The following RYR3 variants were observed in gnomAD, a reference collection of about 807,000 sequenced individuals.
The protein encoded by RYR3 is brain ryanodine receptor-calcium release channel.
In RYR3, 207 loss-of-function variants were observed where a neutral mutation model predicts 584.3. The ratio of observed to expected loss-of-function variants is 0.35; its 90% CI spans 0.32 to 0.40. RYR3 has a LOEUF of 0.40. Among genes scored for constraint, RYR3 ranks in the 10% least tolerant of loss-of-function variants. RYR3 has a pLI of 1.00. For missense variants in RYR3, 5,616 were observed against 6,089.2 expected, an observed-to-expected ratio of 0.92 and a Z score of 2.59; for synonymous variants, 2,416 against 2,248.5, an observed-to-expected ratio of 1.07 and a Z score of -2.11.
chr15:33,800,317 G>A (rs1454752521), intron 67 of RYR3, among the ~76,000 whole-genome samples: 1 of 152,180 alleles, frequency 6.6e-6, no homozygotes, highest in African/African-American at 2.4e-5. Flanking sequence ...CAGAATTTCA[G>A]AGGTTTGACA....
chr15:33,596,114 G>A (rs148380646), intron 16 of RYR3, among the ~76,000 whole-genome samples: 412 of 146,312 alleles, frequency 2.8e-3, no homozygotes, highest in African/African-American at 9.9e-3. Context: ...CTTTCTTTAC[G>A]TCTTTTTTAT....
chr15:33,750,365 T>TC, intron 57 of RYR3, 79 bp downstream of exon 57: 1 of 1,429,326 alleles, frequency 7.0e-7, no homozygotes, highest in South Asian at 1.3e-5. Context: ...ACAAAACCCA[T>TC]CCAAGTAAGG....
At chr15:33,647,050 A>G (rs1566865069) in intron 29 of RYR3, among the ~76,000 whole-genome samples, 1 of 152,094 alleles carries the variant, frequency 6.6e-6, no homozygotes. Flanking sequence ...TGCTGCCTGG[A>G]GCCGTCTTGT....
chr15:33,491,143 G>A (rs759270877), intron 2 of RYR3, among the ~76,000 whole-genome samples: 4 of 152,136 alleles, frequency 2.6e-5, no homozygotes, highest in South Asian at 2.1e-4. Context: ...CACCAGTTTC[G>A]TCATTTGACT....
rs2056580089 is a variant in RYR3 at position 33,550,232 on chromosome 15, CT to C, written c.890del (p.Leu297Ter). The C allele has an allele frequency of 6.2e-7, 1 of 1,613,660 alleles. No individual in the cohort carries two copies. The highest frequency in any genetic ancestry group is 1.7e-5 in the Admixed American group (1 of 59,992). ...ATCTCACCACAGGCCACTACCTGGC[CT>C]TGACAGAAGACCAAGGCCTTATACT... ...RHLTTGHYLA[L>X]TEDQGLILQD... On this transcript the variant is annotated frameshift_variant, in exon 10 of 104. Transcript: ENST00000634891. LOFTEE classifies it high-confidence loss of function.
intron 32 of RYR3, among the ~76,000 whole-genome samples, chr15:33,659,449 A>G (rs2063015830): frequency 6.6e-6 from 1 of 152,242 alleles, no homozygotes; most frequent in Non-Finnish European, 1.5e-5. Flanking sequence ...TGTCCTGTGC[A>G]CTGGAGGAAG....
At chr15:33,612,355 G>GT (rs1002839556) in intron 18 of RYR3, among the ~76,000 whole-genome samples, 3 of 152,212 alleles carry the variant, frequency 2.0e-5, no homozygotes, top group African/African-American at 7.2e-5. Flanking sequence ...ACGTAGCATA[G>GT]TTTTTTTGTT....
At chr15:33,566,820 C>T in intron 12 of RYR3, 21 bp downstream of exon 12, 14 of 1,613,362 alleles carry the variant, frequency 8.7e-6, no homozygotes, top group Non-Finnish European at 1.2e-5. Flanking sequence ...TCCTTTCCTC[C>T]TCTACCTAGT....
At position 33,624,014 on chromosome 15, in the gene RYR3, C is replaced by CGTCT; in HGVS notation, c.2565_2566insGTCT (p.Thr856ValfsTer20). On this transcript the variant is annotated frameshift_variant, in exon 20 of 104. Transcript: ENST00000634891. LOFTEE classifies it high-confidence loss of function. ...CCTCTTTCATCCCATGCCCCGTAGACACCAGTCAGGTAGGTTCAAATTGCC... is the reference window on the plus strand; with the variant it reads ...CCTCTTTCATCCCATGCCCCGTAGACGTCTACCAGTCAGGTAGGTTCAAATTGCC... 6.2e-7 allele frequency: 1 copy of CGTCT among 1,613,368 alleles called. No homozygotes were observed. Among genetic ancestry groups the CGTCT allele is most frequent in the Non-Finnish European group, 8.5e-7 (1 of 1,179,404 alleles).
chr15:33,425,374 T>C (rs2044532037), intron 1 of RYR3, among the ~76,000 whole-genome samples: 2 of 152,188 alleles, frequency 1.3e-5, no homozygotes, highest in South Asian at 4.1e-4. Context: ...CCTGTCGTCA[T>C]TGTATTTCCA....
intron 9 of RYR3, 143 bp downstream of exon 9, chr15:33,548,347 G>T: frequency 1.7e-6 from 1 of 581,500 alleles, no homozygotes. Flanking sequence ...ATATTTCTGT[G>T]ACTTTGTTTT....
intron 10 of RYR3, among the ~76,000 whole-genome samples, chr15:33,555,515 T>C (rs2057009883): frequency 6.6e-6 from 1 of 152,136 alleles, no homozygotes; most frequent in Non-Finnish European, 1.5e-5. Flanking sequence ...GTGGACCAAA[T>C]AGAGAGTCAG....
chr15:33,599,170 T>C (rs2059540973), intron 16 of RYR3, among the ~76,000 whole-genome samples: 1 of 123,662 alleles, frequency 8.1e-6, no homozygotes, highest in Non-Finnish European at 1.7e-5. Flanking sequence ...GTCCTATTGG[T>C]TTAAGCCATA....
At chr15:33,573,478 C>G (rs1383214195) in intron 12 of RYR3, among the ~76,000 whole-genome samples, 1 of 152,178 alleles carries the variant, frequency 6.6e-6, no homozygotes, top group African/African-American at 2.4e-5. Flanking sequence ...ATCTCATCAT[C>G]CTCTGTAGAG....
rs747458680 is a variant in RYR3, at chr15:33,838,557, G to A, written c.12577G>A (p.Val4193Met). Residue 4193 changes from valine (V) to methionine (M), a missense_variant, in exon 89 of 104, where the codon GTG becomes ATG. By Grantham distance (21) the Val-to-Met change is conservative (BLOSUM62 1). Around this residue, in one of 9 missense-constraint regions of RYR3, gnomAD observed 918 missense variants for 887.4 expected, o/e 1.03. Transcript: ENST00000634891. ...VLFSFFWMLF[V>M]GLFQLLFTIL... is the part of the protein sequence containing the mutation. ...CTTCTCCTTTTTCTGGATGCTGTTC[G>A]TGGGGCTATTCCAGTTGCTCTTCAC... The A allele has an allele frequency of 3.2e-5, 51 of 1,613,826 alleles. No individual in the cohort carries two copies. The Middle Eastern group carries it at 4.9e-4, about 16-fold the overall frequency.
chr15:33,756,481 G>T, intron 59 of RYR3, 108 bp downstream of exon 59: 1 of 791,928 alleles, frequency 1.3e-6, no homozygotes, highest in Non-Finnish European at 2.1e-6. Flanking sequence ...AATGGCTTCA[G>T]TGAGGTACAT....
In RYR3 at chr15:33,573,352, T is replaced by C. The variant is rs549211142; in HGVS notation, c.1268+6553T>C. On this transcript the variant is annotated intron_variant, in intron 12 of 103. Transcript: ENST00000634891. Reference sequence around the variant, plus strand: ...TTTGAGAAACCAACTTTGTATGCTGTGTGCACACGGAAACCAGGAGGAGGG... The same window carrying C: ...TTTGAGAAACCAACTTTGTATGCTGCGTGCACACGGAAACCAGGAGGAGGG... 4.1e-4 allele frequency among the ~76,000 whole-genome samples: 62 copies of C among 152,138 alleles called. 1 individual carries two copies. Among genetic ancestry groups the C allele is most frequent in the Non-Finnish European group, 5.4e-4 (37 of 68,026 alleles).
intron 1 of RYR3, among the ~76,000 whole-genome samples, chr15:33,461,596 C>T (rs776073918): frequency 6.6e-6 from 1 of 152,064 alleles, no homozygotes; most frequent in Admixed American, 6.5e-5. Flanking sequence ...ATATGATCCT[C>T]GCCTTCTAAG....
At position 33,392,060 on chromosome 15, in the gene RYR3, A is replaced by G. The variant is rs12905190; in HGVS notation, c.51+80964A>G. On this transcript the variant is annotated intron_variant, in intron 1 of 103. Transcript: ENST00000634891. ...TTATTCTGCACTTTGTTTTCAGAGC[A>G]CCTATCAATTAGATGCTTACTTGCT... is the stretch of plus-strand genomic sequence containing the variant. Among the ~76,000 whole-genome samples the G allele has an allele frequency of 6.6e-5, 10 of 152,134 alleles. No individual in the cohort carries two copies. In the South Asian group the frequency reaches 2.1e-3, roughly 32 times the overall value.
Sources: gnomAD v4.1 joint callset for allele counts (sites outside exome capture counted in the v4.1 genomes callset) on GRCh38, gnomAD v4.1.1 for gene constraint, gnomAD v4.1.1 regional missense constraint, MANE v1.5 for transcripts, NCBI Gene and HGNC (gene_info 2026-07-23, HGNC 2026-07-21) for gene names.